PARM1: variants seen among roughly 807,000 people sequenced by gnomAD.
The protein encoded by PARM1 is WSC4, cell wall integrity and stress response component 4 homolog.
A neutral mutation model predicts 24.6 loss-of-function variants in PARM1; 14 were observed. The ratio of observed to expected loss-of-function variants is 0.57; its 90% CI spans 0.38 to 0.89. The LOEUF is 0.89. Ranked by LOEUF, PARM1 falls within the 40% of genes least tolerant of loss-of-function variation. The probability of loss-of-function intolerance (pLI) is 0.00; values close to 1 mark genes in which losing one functional copy is unlikely to be tolerated. For missense variants in PARM1, 362 were observed against 380.4 expected (o/e 0.95, Z 0.40); for synonymous variants, 179 against 156.6 (o/e 1.14, Z -1.07).
intron 1 of PARM1, among the ~76,000 whole-genome samples, chr4:74,941,027 G>C (rs1721296814): frequency 6.6e-6 from 1 of 152,120 alleles, no homozygotes; most frequent in Non-Finnish European, 1.5e-5. Context: ...TGTCTTTCTT[G>C]GCCTTGAAAA....
intron 1 of PARM1, among the ~76,000 whole-genome samples, chr4:75,002,483 G>A (rs1211010725): frequency 6.6e-6 from 1 of 151,458 alleles, no homozygotes; most frequent in Non-Finnish European, 1.5e-5. Flanking sequence ...TTCAGTGAAT[G>A]ATTGAGCAAA....
Position 74,955,239 on chromosome 4 carries a change from A to AG in PARM1, c.43+21869_43+21870insG, listed in dbSNP as rs540826199. Among the ~76,000 whole-genome samples, 203 of 152,314 alleles carry AG rather than the reference A, an allele frequency of 1.3e-3. 2 individuals are homozygous for AG. The highest frequency in any genetic ancestry group is 4.5e-3 in the African/African-American group (189 of 41,572). On this transcript the variant is annotated intron_variant, in intron 1 of 3. Coordinates refer to ENST00000307428, the MANE Select transcript of PARM1 (RefSeq NM_015393.4). ...CTGCAGATTTTGAAAAATGAAAAAA[A>AG]AAAAACTCATTAAAGCTATATTTAG...
Position 75,049,795 on chromosome 4 carries a change from T to C in PARM1, c.*3548T>C, listed in dbSNP as rs1723680821. On this transcript the variant is annotated 3_prime_UTR_variant, in exon 4 of 4. Transcript: ENST00000307428. ...GGTTCAATCCCTCACATCCAGGAAA[T>C]GAATTTTGCAATTGGGCCAGATGCT... The C allele has an allele frequency of 6.6e-6, 1 of 152,598 alleles. No individual in the cohort carries two copies. The highest frequency in any genetic ancestry group is 2.4e-5 in the African/African-American group (1 of 41,422). 9.5% of individuals were successfully genotyped at this position (152,598 alleles called of 1,614,324 possible). A position where few individuals can be genotyped will look rare whatever the true frequency, so the allele number is the denominator to read the frequency against.
intron 3 of PARM1, among the ~76,000 whole-genome samples, chr4:75,036,311 G>A (rs1342915219): frequency 3.3e-5 from 5 of 152,120 alleles, no homozygotes; most frequent in Admixed American, 3.3e-4. Context: ...ACCCACACTG[G>A]CTATAGGCAG....
At chr4:74,957,777 G>A (rs1721671478) in intron 1 of PARM1, among the ~76,000 whole-genome samples, 2 of 152,122 alleles carry the variant, frequency 1.3e-5, no homozygotes, top group Non-Finnish European at 2.9e-5. Flanking sequence ...TCTTAACTGT[G>A]CACCAAGACC....
At chr4:74,977,814 A>G (rs751517154) in intron 1 of PARM1, among the ~76,000 whole-genome samples, 2 of 152,230 alleles carry the variant, frequency 1.3e-5, no homozygotes, top group Admixed American at 6.5e-5. Flanking sequence ...GCCAACATCA[A>G]CATTCTTAAA....
intron 1 of PARM1, among the ~76,000 whole-genome samples, chr4:74,938,225 A>T (rs1312594601): frequency 6.6e-6 from 1 of 152,204 alleles, no homozygotes; most frequent in Non-Finnish European, 1.5e-5. Flanking sequence ...ATACTGTTTA[A>T]GCAGACTTTC....
chr4:74,994,696 G>A (rs777683040), intron 1 of PARM1, among the ~76,000 whole-genome samples: 12 of 151,904 alleles, frequency 7.9e-5, no homozygotes, highest in Non-Finnish European at 1.5e-4. Context: ...ACAGTCCTGA[G>A]GCAGGAGAAT....
At chr4:75,025,204 A>G (rs1723160010) in intron 2 of PARM1, among the ~76,000 whole-genome samples, 2 of 152,186 alleles carry the variant, frequency 1.3e-5, no homozygotes, top group South Asian at 4.1e-4. Context: ...ATGACCTAGG[A>G]GTTGAGATTC....
At chr4:74,988,871 G>A (rs1400100596) in intron 1 of PARM1, among the ~76,000 whole-genome samples, 1 of 152,174 alleles carries the variant, frequency 6.6e-6, no homozygotes, top group Admixed American at 6.5e-5. Context: ...GATGGCAGAT[G>A]TAAGGTGAAG....
intron 3 of PARM1, among the ~76,000 whole-genome samples, chr4:75,040,409 G>A (rs1448114911): frequency 6.6e-6 from 1 of 152,014 alleles, no homozygotes; most frequent in Non-Finnish European, 1.5e-5. Context: ...ATGCTTGAAA[G>A]TAACAGCTTT....
chr4:75,037,851 G>T (rs955129752), intron 3 of PARM1, among the ~76,000 whole-genome samples: 2 of 152,172 alleles, frequency 1.3e-5, no homozygotes, highest in Non-Finnish European at 2.9e-5. Flanking sequence ...TTTTAAAGAC[G>T]AAATGAAGTA....
intron 2 of PARM1, among the ~76,000 whole-genome samples, chr4:75,013,983 G>A (rs1325844313): frequency 6.6e-6 from 1 of 152,296 alleles, no homozygotes; most frequent in East Asian, 1.9e-4. Context: ...ACTTAGCTGA[G>A]AAAGAGTGAG....
intron 2 of PARM1, among the ~76,000 whole-genome samples, chr4:75,023,255 T>C (rs1723121834): frequency 6.6e-6 from 1 of 152,238 alleles, no homozygotes; most frequent in African/African-American, 2.4e-5. Context: ...CCAGTGCTAT[T>C]TGCTAAATGG....
At chr4:74,946,513 A>G (rs1320867028) in intron 1 of PARM1, among the ~76,000 whole-genome samples, 6 of 152,180 alleles carry the variant, frequency 3.9e-5, no homozygotes, top group Non-Finnish European at 8.8e-5. Flanking sequence ...TGCTGAGACT[A>G]TGGTTTGTAA....
chr4:74,947,833 GAGTCCTCTA>G (rs1721438498), intron 1 of PARM1, among the ~76,000 whole-genome samples: 1 of 152,176 alleles, frequency 6.6e-6, no homozygotes, highest in Non-Finnish European at 1.5e-5. Flanking sequence ...GTTTTAAAAT[GAGTCCTCTA>G]GACCTCCTAG....
In PARM1 at chr4:75,046,445, GGTGA is replaced by G. The variant is rs1723605313; in HGVS notation, c.*202_*205del. On this transcript the variant is annotated 3_prime_UTR_variant, in exon 4 of 4. Coordinates refer to ENST00000307428, the MANE Select transcript of PARM1 (RefSeq NM_015393.4). ...GGTACAAGAAGAACCATTCTTTAAA[GGTGA>G]GTGGAGGCTGATTTGCAGCTGAAGT... 5 of 480,360 alleles carry G rather than the reference GGTGA, an allele frequency of 1.0e-5. No individual in the cohort carries two copies. Among genetic ancestry groups the G allele is most frequent in the Non-Finnish European group, 1.9e-5 (5 of 263,744 alleles). The allele number at this position is 480,360 out of a possible 1,614,324, so 29.8% of individuals were successfully genotyped here. A position where few individuals can be genotyped will look rare whatever the true frequency, so the allele number is the denominator to read the frequency against.
At chr4:75,035,101 C>T (rs1027690639) in intron 3 of PARM1, among the ~76,000 whole-genome samples, 4 of 152,224 alleles carry the variant, frequency 2.6e-5, no homozygotes, top group Admixed American at 2.0e-4. Context: ...CTAGCTCCTT[C>T]TCATGCTGTG....
At chr4:74,989,061 A>AT (rs1406179096) in intron 1 of PARM1, among the ~76,000 whole-genome samples, 3 of 152,010 alleles carry the variant, frequency 2.0e-5, no homozygotes, top group Non-Finnish European at 4.4e-5. Context: ...AAACCAAAGT[A>AT]TTTTTTTCGT....
Sources: allele counts gnomAD v4.1 joint callset (sites outside exome capture counted in the v4.1 genomes callset), GRCh38; gene constraint gnomAD v4.1.1; transcripts MANE v1.5; gene names NCBI Gene and HGNC (gene_info 2026-07-23, HGNC 2026-07-21).